The following HS3ST5 variants were observed in gnomAD, a reference collection of about 807,000 sequenced individuals.
The protein encoded by HS3ST5 is heparan sulfate glucosamine 3-O-sulfotransferase 5.
A neutral mutation model predicts 25.4 loss-of-function variants in HS3ST5; 10 were observed. The observed-to-expected ratio is 0.39, with a 90% CI of 0.24 to 0.67. The LOEUF (loss-of-function observed/expected upper bound fraction) is 0.67, where lower values mean the gene tolerates loss of function less well. Ranked by LOEUF, HS3ST5 falls within the 30% of genes least tolerant of loss-of-function variation. HS3ST5 has a pLI of 0.44. For synonymous variants in HS3ST5, 170 were observed against 162.4 expected (o/e 1.05, Z -0.36); for missense variants, 324 against 420.7 (o/e 0.77, Z 2.01).
chr6:114,294,954 T>C (rs1774751320), intron 1 of HS3ST5, among the ~76,000 whole-genome samples: 1 of 152,220 alleles, frequency 6.6e-6, no homozygotes, highest in African/African-American at 2.4e-5. Context: ...ACAGTTCTCT[T>C]ATTGAATGGA....
intron 1 of HS3ST5, among the ~76,000 whole-genome samples, chr6:114,317,690 T>C (rs1253338148): frequency 6.6e-6 from 1 of 151,822 alleles, no homozygotes; most frequent in Non-Finnish European, 1.5e-5. Context: ...GCCCTCGTCA[T>C]GCTTATGCTT....
At chr6:114,313,806 T>A (rs1775636207) in intron 1 of HS3ST5, among the ~76,000 whole-genome samples, 1 of 152,354 alleles carries the variant, frequency 6.6e-6, no homozygotes, top group Non-Finnish European at 1.5e-5. Flanking sequence ...ATGTAAATTA[T>A]GTATCGATCG....
rs1199274302 is a variant in HS3ST5, at chr6:114,228,662, C to T, written c.-222G>A. 2 of 152,098 alleles carry T rather than the reference C, an allele frequency of 1.3e-5. No individual in the cohort carries two copies. Among genetic ancestry groups the T allele is most frequent in the Admixed American group, 6.5e-5 (1 of 15,274 alleles). The allele number at this position is 152,098 out of a possible 1,614,324, so 9.4% of individuals were successfully genotyped here. A position where few individuals can be genotyped will look rare whatever the true frequency, so the allele number is the denominator to read the frequency against. On this transcript the variant is annotated 5_prime_UTR_variant, in exon 2 of 5. Transcript: ENST00000312719. ...TTCAAAGGAATATATGTAGTGGATT[C>T]TCTCCTTAATTTCCAAGGGTTTTAA...
chr6:114,313,797 T>C (rs1440398950), intron 1 of HS3ST5, among the ~76,000 whole-genome samples: 1 of 152,238 alleles, frequency 6.6e-6, no homozygotes, highest in Non-Finnish European at 1.5e-5. Flanking sequence ...ATTTATTGTA[T>C]GTAAATTATG....
intron 3 of HS3ST5, among the ~76,000 whole-genome samples, chr6:114,096,160 A>G (rs1775412864): frequency 6.6e-6 from 1 of 152,170 alleles, no homozygotes; most frequent in African/African-American, 2.4e-5. Context: ...TCCAGTGGAA[A>G]AAGCATCAAA....
intron 2 of HS3ST5, among the ~76,000 whole-genome samples, chr6:114,181,525 T>C (rs1049619475): frequency 6.6e-5 from 10 of 152,238 alleles, no homozygotes; most frequent in Non-Finnish European, 5.9e-5. Context: ...AAATTGAATC[T>C]CAAAATCAGA....
chr6:114,293,922 A>G (rs569091591), intron 1 of HS3ST5, among the ~76,000 whole-genome samples: 2 of 152,316 alleles, frequency 1.3e-5, no homozygotes, highest in Admixed American at 1.3e-4. Flanking sequence ...ACACTTCAGG[A>G]GAATTTAGGT....
At chr6:114,200,780 G>A (rs1780977255) in intron 2 of HS3ST5, among the ~76,000 whole-genome samples, 1 of 152,056 alleles carries the variant, frequency 6.6e-6, no homozygotes, top group African/African-American at 2.4e-5. Context: ...AAGAAAATTT[G>A]ACTGAAAAAG....
At chr6:114,204,626 T>C (rs1781189373) in intron 2 of HS3ST5, among the ~76,000 whole-genome samples, 1 of 152,202 alleles carries the variant, frequency 6.6e-6, no homozygotes, top group South Asian at 2.1e-4. Flanking sequence ...TGGGTAATTT[T>C]ACACTATAAG....
At chr6:114,176,565 G>A (rs937256557) in intron 2 of HS3ST5, among the ~76,000 whole-genome samples, 4 of 152,108 alleles carry the variant, frequency 2.6e-5, no homozygotes, top group Admixed American at 2.6e-4. Flanking sequence ...ATGTATACAT[G>A]CATGCTTACC....
chr6:114,192,430 T>A (rs1056259837), intron 2 of HS3ST5, among the ~76,000 whole-genome samples: 7 of 152,110 alleles, frequency 4.6e-5, no homozygotes, highest in Non-Finnish European at 8.8e-5. Context: ...GAGGCAAGAG[T>A]ACAAGGCCAA....
At position 114,305,688 on chromosome 6, in the gene HS3ST5, C is replaced by T. The variant is rs118063002; in HGVS notation, c.-339+36507G>A. On this transcript the variant is annotated intron_variant, in intron 1 of 4. Transcript: ENST00000312719. ...AAAAGTTGCCTTCTCCTTCTCCTGT[C>T]TCTTCTCCTTCTCTTCACGTGAATA... 3.3e-5 allele frequency among the ~76,000 whole-genome samples: 5 copies of T among 152,268 alleles called. No homozygotes were observed. The East Asian group carries it at 7.7e-4, about 24-fold the overall frequency.
intron 1 of HS3ST5, among the ~76,000 whole-genome samples, chr6:114,294,312 G>A (rs1024309013): frequency 1.3e-5 from 2 of 152,214 alleles, no homozygotes; most frequent in African/African-American, 4.8e-5. Flanking sequence ...TATTCAGGCA[G>A]AGCCTGGACA....
chr6:114,116,618 T>C (rs1188694423), intron 3 of HS3ST5, among the ~76,000 whole-genome samples: 1 of 152,138 alleles, frequency 6.6e-6, no homozygotes, highest in African/African-American at 2.4e-5. Context: ...GCCATAGATA[T>C]CTTTCAAGGT....
intron 3 of HS3ST5, among the ~76,000 whole-genome samples, chr6:114,168,097 A>T (rs1465908727): frequency 6.6e-6 from 1 of 152,192 alleles, no homozygotes; most frequent in Non-Finnish European, 1.5e-5. Context: ...TCAATAAAAA[A>T]AATTTTTAAA....
At chr6:114,222,184 TC>T (rs1289997587) in intron 2 of HS3ST5, among the ~76,000 whole-genome samples, 4 of 151,934 alleles carry the variant, frequency 2.6e-5, no homozygotes, top group Admixed American at 2.6e-4. Context: ...TCATATTGTT[TC>T]TTATCCATTT....
At chr6:114,283,279 T>C (rs559614309) in intron 1 of HS3ST5, among the ~76,000 whole-genome samples, 26 of 152,014 alleles carry the variant, frequency 1.7e-4, no homozygotes, top group African/African-American at 6.3e-4. Context: ...GTCATTATGA[T>C]TTATTTATAA....
chr6:114,071,194 C>T (rs920923497), intron 3 of HS3ST5, among the ~76,000 whole-genome samples: 9 of 152,144 alleles, frequency 5.9e-5, no homozygotes, highest in African/African-American at 1.4e-4. Context: ...TTGAAAATAC[C>T]AAGTCTGTAA....
chr6:114,206,076 A>C (rs1187605436), intron 2 of HS3ST5, among the ~76,000 whole-genome samples: 5 of 151,656 alleles, frequency 3.3e-5, no homozygotes, highest in African/African-American at 1.2e-4. Flanking sequence ...CTCCCTCTTC[A>C]CTCTTGAGTC....
Sources: allele counts gnomAD v4.1 joint callset (sites outside exome capture counted in the v4.1 genomes callset), GRCh38; gene constraint gnomAD v4.1.1; transcripts MANE v1.5; gene names NCBI Gene and HGNC (gene_info 2026-07-23, HGNC 2026-07-21).